Variants in GABRB1 observed in about 807,000 individuals in gnomAD.
GABRB1 encodes gamma-aminobutyric acid type A receptor subunit beta1, also known as gamma-aminobutyric acid receptor subunit beta-1.
A neutral mutation model predicts 51.6 loss-of-function variants in GABRB1; 17 were observed. The observed-to-expected ratio is 0.33, with a 90% CI of 0.23 to 0.49. GABRB1 has a LOEUF of 0.49. GABRB1 is among the 20% of genes least tolerant of loss of function. The pLI is 0.99. For synonymous variants in GABRB1, 247 were observed against 218.9 expected (o/e 1.13, Z -1.14); for missense variants, 410 against 600.6 (o/e 0.68, Z 3.32).
intron 5 of GABRB1, among the ~76,000 whole-genome samples, chr4:47,387,095 G>A (rs1005262227): frequency 1.4e-4 from 22 of 152,120 alleles, no homozygotes; most frequent in Non-Finnish European, 2.2e-4. Context: ...TCTCAATCAA[G>A]GGAATAATGA....
At chr4:47,149,514 G>T (rs111285184) in intron 3 of GABRB1, among the ~76,000 whole-genome samples, 1 of 151,938 alleles carries the variant, frequency 6.6e-6, no homozygotes, top group African/African-American at 2.4e-5. Flanking sequence ...CTTTAAATTA[G>T]ATTCCAAGTC....
chr4:47,409,424 A>T (rs570398260), intron 8 of GABRB1, among the ~76,000 whole-genome samples: 1 of 152,260 alleles, frequency 6.6e-6, no homozygotes, highest in South Asian at 2.1e-4. Flanking sequence ...CTTCCCCAGG[A>T]GTTTGGCCAT....
chr4:47,084,088 A>G (rs1727965013), intron 3 of GABRB1, among the ~76,000 whole-genome samples: 1 of 152,208 alleles, frequency 6.6e-6, no homozygotes, highest in Non-Finnish European at 1.5e-5. Context: ...TTATTAGAGT[A>G]AGTCATCAAT....
intron 4 of GABRB1, among the ~76,000 whole-genome samples, chr4:47,206,894 A>G (rs192189650): frequency 6.6e-6 from 1 of 151,632 alleles, no homozygotes; most frequent in African/African-American, 2.4e-5. Flanking sequence ...ATATATATGT[A>G]TATGTGTGTG....
Position 47,418,388 on chromosome 4 carries a change from A to T in GABRB1, c.1081-7286A>T, listed in dbSNP as rs367807695. Reference sequence around the variant, plus strand: ...AACTTGGCCAACGTTTCTACAGTGCAGTGTGGAGACAGAATTTCTTTTCCT... The same window carrying T: ...AACTTGGCCAACGTTTCTACAGTGCTGTGTGGAGACAGAATTTCTTTTCCT... On this transcript the variant is annotated intron_variant, in intron 8 of 8. Transcript: ENST00000295454. 9.8e-5 allele frequency among the ~76,000 whole-genome samples: 15 copies of T among 152,316 alleles called. 1 individual carries two copies. In the East Asian group the frequency reaches 2.7e-3, roughly 27 times the overall value.
At position 47,096,182 on chromosome 4, in the gene GABRB1, G is replaced by C. The variant is rs200121707; in HGVS notation, c.240+63698G>C. 3.3e-5 allele frequency among the ~76,000 whole-genome samples: 5 copies of C among 152,286 alleles called. No individual in the cohort carries two copies. In the East Asian group the frequency reaches 9.6e-4, roughly 29 times the overall value. ...GTGAATATAAAAATTCCTATGCAGAGAGAACATATAGCTTTCCAAACCCTA... is the reference window on the plus strand; with the variant it reads ...GTGAATATAAAAATTCCTATGCAGACAGAACATATAGCTTTCCAAACCCTA... On this transcript the variant is annotated intron_variant, in intron 3 of 8. Coordinates refer to ENST00000295454, the MANE Select transcript of GABRB1 (RefSeq NM_000812.4).
chr4:47,421,360 C>T lies in GABRB1; in HGVS notation c.1081-4314C>T, dbSNP rs536040353. ...AGGAGCATCTGTATGCTTCACTAGCCGATTCTAAACTCTAGCAACTTTTTT... is the reference window on the plus strand; with the variant it reads ...AGGAGCATCTGTATGCTTCACTAGCTGATTCTAAACTCTAGCAACTTTTTT... On this transcript the variant is annotated intron_variant, in intron 8 of 8. Coordinates refer to ENST00000295454, the MANE Select transcript of GABRB1 (RefSeq NM_000812.4). Among the ~76,000 whole-genome samples the T allele has an allele frequency of 2.2e-4, 34 of 152,134 alleles. 1 individual carries two copies. Among genetic ancestry groups the T allele is most frequent in the South Asian group, 1.3e-3 (6 of 4,790 alleles).
intron 3 of GABRB1, among the ~76,000 whole-genome samples, chr4:47,124,083 A>C (rs1426938031): frequency 1.3e-5 from 2 of 148,794 alleles, no homozygotes; most frequent in African/African-American, 5.0e-5. Context: ...GCAGTCATAA[A>C]GGCCTCAGAT....
chr4:47,357,658 T>TG (rs1335549971), intron 5 of GABRB1, among the ~76,000 whole-genome samples: 1 of 152,200 alleles, frequency 6.6e-6, no homozygotes, highest in Non-Finnish European at 1.5e-5. Flanking sequence ...AAAGTGGTTC[T>TG]GGGGTCCTCC....
At chr4:47,087,299 T>C (rs1262901842) in intron 3 of GABRB1, among the ~76,000 whole-genome samples, 2 of 152,164 alleles carry the variant, frequency 1.3e-5, no homozygotes, top group Non-Finnish European at 2.9e-5. Context: ...TTGTGAAATG[T>C]TAACCGTGAA....
intron 3 of GABRB1, among the ~76,000 whole-genome samples, chr4:47,140,760 T>C (rs961755627): frequency 4.0e-5 from 6 of 151,386 alleles, no homozygotes; most frequent in Admixed American, 3.3e-4. Context: ...AGAGTTGTTT[T>C]TTGTTTTTTT....
intron 4 of GABRB1, among the ~76,000 whole-genome samples, chr4:47,239,960 T>C (rs746486378): frequency 3.9e-5 from 6 of 152,176 alleles, no homozygotes; most frequent in Admixed American, 6.5e-5. Flanking sequence ...CTTTTTCTTG[T>C]GTTTCACTTA....
At chr4:47,075,500 A>G (rs971223779) in intron 3 of GABRB1, among the ~76,000 whole-genome samples, 1 of 116,400 alleles carries the variant, frequency 8.6e-6, no homozygotes, top group Non-Finnish European at 1.9e-5. Flanking sequence ...TGTTAAACTG[A>G]CTTTCCAAAA....
chr4:47,045,442 TATCATCATCATCATCATC>T (rs36118087), intron 3 of GABRB1, among the ~76,000 whole-genome samples: 9 of 149,458 alleles, frequency 6.0e-5, no homozygotes, highest in Non-Finnish European at 8.9e-5. Context: ...TATTCTCCTT[TATCATCATCATCATCATC>T]ATCATCATCA....
intron 8 of GABRB1, among the ~76,000 whole-genome samples, chr4:47,418,157 C>T (rs1728987894): frequency 6.6e-6 from 1 of 152,196 alleles, no homozygotes; most frequent in Non-Finnish European, 1.5e-5. Flanking sequence ...TTTGGCATGG[C>T]TTTTGTATCA....
chr4:47,210,038 G>T (rs1287140180), intron 4 of GABRB1, among the ~76,000 whole-genome samples: 1 of 152,026 alleles, frequency 6.6e-6, no homozygotes, highest in African/African-American at 2.4e-5. Flanking sequence ...TTGAAGGCCT[G>T]GTTCACTGCT....
chr4:47,421,370 C>A (rs930188428), intron 8 of GABRB1, among the ~76,000 whole-genome samples: 6 of 152,120 alleles, frequency 3.9e-5, no homozygotes, highest in African/African-American at 9.7e-5. Context: ...CGATTCTAAA[C>A]TCTAGCAACT....
At chr4:47,254,116 C>T (rs533996611) in intron 4 of GABRB1, among the ~76,000 whole-genome samples, 12 of 152,186 alleles carry the variant, frequency 7.9e-5, no homozygotes, top group Admixed American at 7.2e-4. Flanking sequence ...TGATAGTTCA[C>T]TTTCTTGTCT....
chr4:47,009,436 G>T (rs1374826571), intron 1 of GABRB1, among the ~76,000 whole-genome samples: 1 of 152,210 alleles, frequency 6.6e-6, no homozygotes, highest in South Asian at 2.1e-4. Flanking sequence ...TAAAATTAAT[G>T]CATTAACACA....
Sources: allele counts gnomAD v4.1 joint callset (sites outside exome capture counted in the v4.1 genomes callset), GRCh38; gene constraint gnomAD v4.1.1; transcripts MANE v1.5; gene names NCBI Gene and HGNC (gene_info 2026-07-23, HGNC 2026-07-21).